HNF4G: variants seen among roughly 807,000 people sequenced by gnomAD.
HNF4G encodes the protein hepatocyte nuclear factor 4-gamma.
HNF4G carries 21 observed loss-of-function variants against 50.9 expected under a neutral mutation model. The observed-to-expected ratio is 0.41, with a 90% CI of 0.29 to 0.59. HNF4G has a LOEUF of 0.59. HNF4G is among the 20% of genes least tolerant of loss of function. HNF4G has a pLI of 0.26. For missense variants in HNF4G, 527 were observed against 559.4 expected, an observed-to-expected ratio of 0.94 and a Z score of 0.58; for synonymous variants, 198 against 185.6, an observed-to-expected ratio of 1.07 and a Z score of -0.54.
At chr8:75,455,894 A>C (rs374295515) in intron 1 of HNF4G, among the ~76,000 whole-genome samples, 2 of 152,286 alleles carry the variant, frequency 1.3e-5, no homozygotes, top group East Asian at 3.9e-4. Context: ...AATCACAAAA[A>C]AAAGTCAAAC....
chr8:75,546,265 C>T (rs546338922), intron 2 of HNF4G, among the ~76,000 whole-genome samples: 1 of 152,220 alleles, frequency 6.6e-6, no homozygotes, highest in Admixed American at 6.5e-5. Context: ...GCAAGTCCTT[C>T]TCTTTATTTT....
At chr8:75,554,053 A>T (rs1213909123) in intron 5 of HNF4G, among the ~76,000 whole-genome samples, 1 of 152,084 alleles carries the variant, frequency 6.6e-6, no homozygotes, top group African/African-American at 2.4e-5. Context: ...ACCAGTGTAT[A>T]TTTATTTTTA....
chr8:75,564,980 G>A lies in HNF4G; in HGVS notation c.*884G>A, dbSNP rs1340488757. ...AAAGCCATGTCACTCTGAGAGAACT[G>A]ATTCTGAGGACAAGTTAGCCATCTA... On this transcript the variant is annotated 3_prime_UTR_variant, in exon 10 of 10. Transcript: ENST00000396423. 1.3e-5 allele frequency: 2 copies of A among 152,162 alleles called. No individual in the cohort carries two copies. Among genetic ancestry groups the A allele is most frequent in the African/African-American group, 2.4e-5 (1 of 41,436 alleles). The allele number at this position is 152,162 out of a possible 1,614,324, so 9.4% of individuals were successfully genotyped here. A position where few individuals can be genotyped will look rare whatever the true frequency, so the allele number is the denominator to read the frequency against.
chr8:75,409,041 A>G (rs1328852351), intron 1 of HNF4G, among the ~76,000 whole-genome samples: 2 of 150,848 alleles, frequency 1.3e-5, no homozygotes, highest in East Asian at 3.9e-4. Context: ...CCTCACCACC[A>G]CTCCCTCTCT....
chr8:75,521,945 A>C (rs1053156002), intron 2 of HNF4G, among the ~76,000 whole-genome samples: 11 of 152,194 alleles, frequency 7.2e-5, no homozygotes, highest in Non-Finnish European at 1.6e-4. Flanking sequence ...GTGCAAAAGC[A>C]GTACACATTC....
rs996867991 is a variant in HNF4G at position 75,566,734 on chromosome 8, T to C, written c.*2638T>C. The C allele has an allele frequency of 6.6e-6, 1 of 152,248 alleles. No homozygotes were observed. The highest frequency in any genetic ancestry group is 2.1e-4 in the South Asian group (1 of 4,836). 9.4% of individuals were successfully genotyped at this position (152,248 alleles called of 1,614,324 possible). On this transcript the variant is annotated 3_prime_UTR_variant, in exon 10 of 10. Transcript: ENST00000396423. The stretch of plus-strand genomic sequence containing the variant: ...TTGTTGGAAATCAAAAATTAGTAGA[T>C]TTTTTACCATGTTAAATTATAGTGA...
intron 1 of HNF4G, among the ~76,000 whole-genome samples, chr8:75,461,563 A>G (rs1397785528): frequency 2.0e-5 from 3 of 152,130 alleles, no homozygotes; most frequent in Non-Finnish European, 4.4e-5. Flanking sequence ...TCTAGGCATT[A>G]GGGCAACTGT....
At chr8:75,527,425 T>G (rs923896357) in intron 2 of HNF4G, among the ~76,000 whole-genome samples, 2 of 152,220 alleles carry the variant, frequency 1.3e-5, no homozygotes, top group African/African-American at 4.8e-5. Context: ...ATAGCCCTAT[T>G]TCTCCTAGGA....
Position 75,417,112 on chromosome 8 carries a change from C to T in HNF4G, c.-144+8950C>T, listed in dbSNP as rs967281509. Among the ~76,000 whole-genome samples the T allele has an allele frequency of 6.1e-5, 5 of 81,426 alleles. No individual in the cohort carries two copies. In the South Asian group the frequency reaches 1.2e-3, roughly 19 times the overall value. The allele number at this position is 81,426 out of a possible 152,430, so 53.4% of individuals were successfully genotyped here. A position where few individuals can be genotyped will look rare whatever the true frequency, so the allele number is the denominator to read the frequency against. ...ACATACGAGCATGTGCATGGTCGCA[C>T]GCGTGTGCGCACACACACACACACA... On this transcript the variant is annotated intron_variant, in intron 1 of 10. Coordinates refer to the HNF4G transcript ENST00000354370.
At chr8:75,431,855 G>A (rs1719927661) in intron 1 of HNF4G, among the ~76,000 whole-genome samples, 1 of 152,100 alleles carries the variant, frequency 6.6e-6, no homozygotes, top group South Asian at 2.1e-4. Flanking sequence ...TAACCTGGGA[G>A]GCAGAGTTTG....
At chr8:75,448,552 A>G (rs959687104) in intron 1 of HNF4G, among the ~76,000 whole-genome samples, 2 of 150,944 alleles carry the variant, frequency 1.3e-5, no homozygotes. Context: ...CGTTTCTAAT[A>G]TAAGATTATA....
At chr8:75,557,630 A>G (rs1290128370) in intron 6 of HNF4G, among the ~76,000 whole-genome samples, 1 of 152,070 alleles carries the variant, frequency 6.6e-6, no homozygotes, top group African/African-American at 2.4e-5. Context: ...ACACAAACAA[A>G]CAAACAAAAA....
intron 1 of HNF4G, among the ~76,000 whole-genome samples, chr8:75,482,238 AGTT>A (rs1812396719): frequency 1.3e-5 from 2 of 152,196 alleles, no homozygotes; most frequent in African/African-American, 2.4e-5. Flanking sequence ...AAGATTAGCT[AGTT>A]GCCTAGAAAA....
intron 2 of HNF4G, among the ~76,000 whole-genome samples, chr8:75,512,935 G>A (rs1805796371): frequency 6.6e-6 from 1 of 152,154 alleles, no homozygotes; most frequent in Non-Finnish European, 1.5e-5. Flanking sequence ...GTGTATAGAT[G>A]ATTGAGTTTA....
intron 2 of HNF4G, among the ~76,000 whole-genome samples, chr8:75,546,123 C>A (rs2130792760): frequency 6.6e-6 from 1 of 152,198 alleles, no homozygotes; most frequent in Non-Finnish European, 1.5e-5. Context: ...TAATCATCAA[C>A]TATAAATAAA....
At chr8:75,482,720 TG>T in intron 1 of HNF4G, among the ~76,000 whole-genome samples, 1 of 152,272 alleles carries the variant, frequency 6.6e-6, no homozygotes, top group Middle Eastern at 3.4e-3. Context: ...TTTTGATGTT[TG>T]TCACTAGAAC....
At chr8:75,549,411 A>G (rs918773844) in intron 3 of HNF4G, among the ~76,000 whole-genome samples, 1 of 152,168 alleles carries the variant, frequency 6.6e-6, no homozygotes, top group Non-Finnish European at 1.5e-5. Flanking sequence ...TTATCTCTGC[A>G]TATGCATTTC....
intron 1 of HNF4G, among the ~76,000 whole-genome samples, chr8:75,431,425 A>G (rs1811012102): frequency 6.6e-6 from 1 of 152,218 alleles, no homozygotes; most frequent in South Asian, 2.1e-4. Context: ...ATCGCTGAAC[A>G]TTGATCGAGA....
chr8:75,511,117 T>A (rs774481896), intron 2 of HNF4G, among the ~76,000 whole-genome samples: 2 of 152,126 alleles, frequency 1.3e-5, no homozygotes, highest in African/African-American at 4.8e-5. Flanking sequence ...ATAATTATTA[T>A]TATATTCTAA....
Sources: allele counts gnomAD v4.1 joint callset (sites outside exome capture counted in the v4.1 genomes callset), GRCh38; gene constraint gnomAD v4.1.1; transcripts MANE v1.5; gene names NCBI Gene and HGNC (gene_info 2026-07-23, HGNC 2026-07-21).